Variants in PLCB1 observed in about 807,000 individuals in gnomAD.
The protein encoded by PLCB1 is phospholipase C beta 1, also known as 1-phosphatidylinositol 4,5-bisphosphate phosphodiesterase beta-1.
PLCB1 carries 46 observed loss-of-function variants against 161.8 expected under a neutral mutation model. The ratio of observed to expected loss-of-function variants is 0.28; its 90% CI spans 0.22 to 0.36. The LOEUF (loss-of-function observed/expected upper bound fraction) is 0.36, where lower values mean the gene tolerates loss of function less well. Among genes scored for constraint, PLCB1 ranks in the 10% least tolerant of loss-of-function variants. The pLI is 1.00. For missense variants in PLCB1, 1,016 were observed against 1,472.5 expected (o/e 0.69, Z 5.07); for synonymous variants, 517 against 503.7 (o/e 1.03, Z -0.35).
intron 3 of PLCB1, among the ~76,000 whole-genome samples, chr20:8,392,882 G>T (rs1264767679): frequency 6.6e-6 from 1 of 152,106 alleles, no homozygotes; most frequent in Non-Finnish European, 1.5e-5. Context: ...GTAGATGAAA[G>T]AATTCCTATC....
At chr20:8,393,111 C>A (rs1987659544) in intron 3 of PLCB1, among the ~76,000 whole-genome samples, 1 of 152,078 alleles carries the variant, frequency 6.6e-6, no homozygotes, top group Non-Finnish European at 1.5e-5. Context: ...AGAAAATTCT[C>A]CTCACACACC....
intron 2 of PLCB1, among the ~76,000 whole-genome samples, chr20:8,155,504 C>T (rs1002547034): frequency 1.3e-5 from 2 of 152,198 alleles, no homozygotes; most frequent in African/African-American, 4.8e-5. Context: ...ACATAAGTCA[C>T]AGTAACATTT....
At chr20:8,684,831 C>T in intron 9 of PLCB1, 101 bp from the exon 10 acceptor site, 1 of 801,458 alleles carries the variant, frequency 1.2e-6, no homozygotes. Flanking sequence ...TGTCTTCTAC[C>T]TTGGACACTA....
chr20:8,433,276 A>G (rs1327866720), intron 3 of PLCB1, among the ~76,000 whole-genome samples: 1 of 152,224 alleles, frequency 6.6e-6, no homozygotes, highest in African/African-American at 2.4e-5. Context: ...TGAACTTTCT[A>G]TTAACTGTAA....
At chr20:8,493,073 T>C (rs6055859) in intron 3 of PLCB1, among the ~76,000 whole-genome samples, 24,371 of 152,014 alleles carry the variant, frequency 0.16, 2,382 homozygotes, top group African/African-American at 0.28. Context: ...TGGGCACCTC[T>C]CAATGGGGAC....
Position 8,740,447 on chromosome 20 carries a change from A to G in PLCB1, c.2412A>G (p.Ala804=), listed in dbSNP as rs1037265136. 1.3e-6 allele frequency: 2 copies of G among 1,535,560 alleles called. No individual in the cohort carries two copies. The highest frequency in any genetic ancestry group is 2.3e-5 in the East Asian group (1 of 43,698). The change falls in exon 22 of 32, where the codon GCA becomes GCG. Residue 804 remains alanine, a splice_region_variant and synonymous_variant. Coordinates refer to ENST00000338037, the MANE Select transcript of PLCB1 (RefSeq NM_015192.4). The part of the protein sequence containing the change: ...EVKDYVPDTY[A]DVIEALSNPI... The stretch of plus-strand genomic sequence containing the variant: ...AAGACTATGTGCCAGACACATATGC[A>G]GGTAAACAACTTAACTCAAATACCA...
chr20:8,691,222 C>T (rs1990471330), intron 10 of PLCB1, among the ~76,000 whole-genome samples: 1 of 151,988 alleles, frequency 6.6e-6, no homozygotes, highest in African/African-American at 2.4e-5. Flanking sequence ...TATAAACATT[C>T]AAGCTACCCC....
intron 26 of PLCB1, among the ~76,000 whole-genome samples, chr20:8,767,543 T>G (rs1272482790): frequency 6.6e-6 from 1 of 152,114 alleles, no homozygotes; most frequent in East Asian, 1.9e-4. Flanking sequence ...GTGTGAACAA[T>G]GCAGACGCTG....
intron 31 of PLCB1, among the ~76,000 whole-genome samples, chr20:8,827,470 A>T (rs1334058973): frequency 6.6e-6 from 1 of 152,224 alleles, no homozygotes. Context: ...AGGAAAGAAA[A>T]TTATGGAGCT....
intron 31 of PLCB1, among the ~76,000 whole-genome samples, chr20:8,818,213 AATGCCACATCT>A (rs1194586216): frequency 6.6e-6 from 1 of 152,216 alleles, no homozygotes; most frequent in Non-Finnish European, 1.5e-5. Flanking sequence ...TATTTTAAAC[AATGCCACATCT>A]AAATATAAGT....
chr20:8,735,975 C>T (rs752789731), intron 19 of PLCB1, among the ~76,000 whole-genome samples: 2 of 152,192 alleles, frequency 1.3e-5, no homozygotes, highest in Non-Finnish European at 2.9e-5. Flanking sequence ...TCTCATGCCA[C>T]CATTTTGTCT....
rs1988011427 is a variant in PLCB1 at position 8,881,921 on chromosome 20, C to A, written c.*72C>A. ...TCGGACTCTCTCTTATTACAAAGATCACTGCCCAGGACCATCTTCCCGAGA... is the reference window on the plus strand; with the variant it reads ...TCGGACTCTCTCTTATTACAAAGATAACTGCCCAGGACCATCTTCCCGAGA... On this transcript the variant is annotated 3_prime_UTR_variant, in exon 32 of 32. Coordinates refer to ENST00000338037, the MANE Select transcript of PLCB1 (RefSeq NM_015192.4). The A allele has an allele frequency of 9.9e-7, 1 of 1,009,290 alleles. No homozygotes were observed. The highest frequency in any genetic ancestry group is 1.5e-6 in the Non-Finnish European group (1 of 646,284). The allele number at this position is 1,009,290 out of a possible 1,614,324, so 62.5% of individuals were successfully genotyped here. A position where few individuals can be genotyped will look rare whatever the true frequency, so the allele number is the denominator to read the frequency against.
chr20:8,703,164 C>T (rs1239523332), intron 11 of PLCB1, among the ~76,000 whole-genome samples: 2 of 152,108 alleles, frequency 1.3e-5, no homozygotes, highest in Non-Finnish European at 2.9e-5. Context: ...GTGCAAGTCT[C>T]CTTTGTTATC....
intron 3 of PLCB1, among the ~76,000 whole-genome samples, chr20:8,586,612 A>C (rs981677222): frequency 6.6e-6 from 1 of 152,204 alleles, no homozygotes; most frequent in Non-Finnish European, 1.5e-5. Context: ...AGTGACAAGT[A>C]GCAACCCGCT....
chr20:8,649,388 T>A lies in PLCB1; in HGVS notation c.533T>A (p.Phe178Tyr). The change falls in exon 7 of 32, where the codon TTT (phenylalanine) becomes TAT (tyrosine). Residue 178 changes from phenylalanine to tyrosine, a missense_variant. Phe to Tyr is a conservative substitution (Grantham distance 22). This residue lies in a region of PLCB1 where 181 missense variants were observed against 236.7 expected (regional missense o/e 0.76). Transcript: ENST00000338037. ...RIPLKNIYRL[F>Y]SADRKRVETA... ...TCACTTCACAGCATATATCGCTTGT[T>A]TTCAGCAGATCGGAAGCGAGTTGAA... 1 of 1,613,602 alleles carries A rather than the reference T, an allele frequency of 6.2e-7. No homozygotes were observed. The highest frequency in any genetic ancestry group is 2.2e-5 in the East Asian group (1 of 44,878).
chr20:8,561,437 T>A (rs1238093819), intron 3 of PLCB1, among the ~76,000 whole-genome samples: 1 of 151,886 alleles, frequency 6.6e-6, no homozygotes, highest in Non-Finnish European at 1.5e-5. Flanking sequence ...ACATTCCTCT[T>A]AGTTAATCCA....
At chr20:8,516,033 A>G (rs985515018) in intron 3 of PLCB1, among the ~76,000 whole-genome samples, 1 of 152,178 alleles carries the variant, frequency 6.6e-6, no homozygotes, top group African/African-American at 2.4e-5. Flanking sequence ...AAGGAGGGGA[A>G]CTTCCCATTG....
chr20:8,455,462 A>G (rs1391202047), intron 3 of PLCB1, among the ~76,000 whole-genome samples: 18 of 96,278 alleles, frequency 1.9e-4, no homozygotes, highest in African/African-American at 8.7e-4. Flanking sequence ...TTTTTTGGAG[A>G]CGGAGTCTCG....
intron 3 of PLCB1, among the ~76,000 whole-genome samples, chr20:8,509,808 A>G (rs1203116453): frequency 1.3e-5 from 2 of 152,124 alleles, no homozygotes; most frequent in African/African-American, 4.8e-5. Flanking sequence ...TGAGGTGACT[A>G]CACCCTATGC....
Sources: gnomAD v4.1 joint callset for allele counts (sites outside exome capture counted in the v4.1 genomes callset) on GRCh38, gnomAD v4.1.1 for gene constraint, gnomAD v4.1.1 regional missense constraint, MANE v1.5 for transcripts, NCBI Gene and HGNC (gene_info 2026-07-23, HGNC 2026-07-21) for gene names.